The following CELF4 variants were observed in gnomAD, a reference collection of about 807,000 sequenced individuals.
The protein encoded by CELF4 is CUG-BP- and ETR-3-like factor 4.
Under a neutral mutation model 59.9 loss-of-function variants are expected in CELF4, and 18 were observed. The ratio of observed to expected loss-of-function variants is 0.30; its 90% CI spans 0.21 to 0.45. The LOEUF (loss-of-function observed/expected upper bound fraction) is 0.45. Among genes scored for constraint, CELF4 ranks in the 20% least tolerant of loss-of-function variants. CELF4 has a pLI of 1.00. For missense variants in CELF4, 456 were observed against 689.0 expected (o/e 0.66, Z 3.79); for synonymous variants, 261 against 267.1 (o/e 0.98, Z 0.22).
chr18:37,472,671 T>G lies in CELF4; in HGVS notation c.369+12854A>C, dbSNP rs553807433. 7.0e-4 allele frequency among the ~76,000 whole-genome samples: 106 copies of G among 151,962 alleles called. 1 individual carries two copies. Among genetic ancestry groups the G allele is most frequent in the African/African-American group, 2.2e-3 (91 of 41,414 alleles). The stretch of plus-strand genomic sequence containing the variant: ...TAGCCCAAGGTCACACAGCTCAGAG[T>G]GGTGGAGCTGGGATTGGAGGCTAGG... On this transcript the variant is annotated intron_variant, in intron 2 of 12. Transcript: ENST00000420428.
intron 1 of CELF4, among the ~76,000 whole-genome samples, chr18:37,492,936 C>T (rs1489990658): frequency 6.6e-6 from 1 of 152,172 alleles, no homozygotes; most frequent in Non-Finnish European, 1.5e-5. Context: ...CTGCTCTTCT[C>T]TGTGTGTCCA....
In CELF4 at chr18:37,470,001, C is replaced by G. The variant is rs145655148; in HGVS notation, c.369+15524G>C. ...GATGGCCAGAGAATGAGGGTTCAAG[C>G]CCATCAGGAAAGGCTTTCTGCAAGA... On this transcript the variant is annotated intron_variant, in intron 2 of 12. Transcript: ENST00000420428. Among the ~76,000 whole-genome samples, 239 of 152,274 alleles carry G rather than the reference C, an allele frequency of 1.6e-3. 1 individual carries two copies. The highest frequency in any genetic ancestry group is 6.8e-3 in the Middle Eastern group (2 of 294).
intron 7 of CELF4, among the ~76,000 whole-genome samples, chr18:37,272,397 T>C (rs1212863129): frequency 6.6e-6 from 1 of 152,074 alleles, no homozygotes; most frequent in East Asian, 1.9e-4. Flanking sequence ...GGGGCATAAC[T>C]GCAACAGCTG....
chr18:37,357,927 G>A (rs12455911), intron 2 of CELF4, among the ~76,000 whole-genome samples: 115 of 152,226 alleles, frequency 7.6e-4, no homozygotes, highest in Middle Eastern at 3.4e-3. Flanking sequence ...TCTACCCAGC[G>A]CCTGTACCCC....
intron 1 of CELF4, among the ~76,000 whole-genome samples, chr18:37,551,248 T>C (rs1451132339): frequency 1.3e-5 from 2 of 152,064 alleles, no homozygotes; most frequent in Non-Finnish European, 2.9e-5. Context: ...AGGATTGTGG[T>C]CTGTGGAAGG....
Position 37,422,847 on chromosome 18 carries a change from G to A in CELF4, c.369+62678C>T, listed in dbSNP as rs533982604. ...TGAAAAGGCTCTGAAGTCATCCCTC[G>A]TCCTATTTCCCCAGCAGAAATGACC... On this transcript the variant is annotated intron_variant, in intron 2 of 12. Coordinates refer to ENST00000420428, the MANE Select transcript of CELF4 (RefSeq NM_020180.4). Among the ~76,000 whole-genome samples, 30 of 152,222 alleles carry A rather than the reference G, an allele frequency of 2.0e-4. 1 individual carries two copies. The highest frequency in any genetic ancestry group is 8.5e-4 in the Admixed American group (13 of 15,290).
chr18:37,513,895 G>C (rs1420795479), intron 1 of CELF4, among the ~76,000 whole-genome samples: 1 of 151,666 alleles, frequency 6.6e-6, no homozygotes, highest in Non-Finnish European at 1.5e-5. Context: ...TCCTCTGATG[G>C]GTCCATGAGG....
At chr18:37,339,639 A>C (rs2097915536) in intron 2 of CELF4, among the ~76,000 whole-genome samples, 1 of 151,866 alleles carries the variant, frequency 6.6e-6, no homozygotes, top group Non-Finnish European at 1.5e-5. Flanking sequence ...CTGTAATCCC[A>C]GGTACATGGG....
intron 2 of CELF4, among the ~76,000 whole-genome samples, chr18:37,350,170 G>A (rs564501802): frequency 2.6e-5 from 4 of 152,082 alleles, no homozygotes; most frequent in African/African-American, 9.7e-5. Context: ...ACAGGCACAC[G>A]ATGGGAACAG....
intron 2 of CELF4, among the ~76,000 whole-genome samples, chr18:37,363,528 G>A (rs78172394): frequency 1.6e-3 from 248 of 152,312 alleles, no homozygotes; most frequent in Non-Finnish European, 2.6e-3. Flanking sequence ...AGGGGTGGCA[G>A]GTGGCAGACG....
chr18:37,266,194 G>A (rs1362349355), intron 9 of CELF4: 4 of 457,002 alleles, frequency 8.8e-6, no homozygotes, highest in African/African-American at 7.9e-5. Flanking sequence ...CTGTGGTGCT[G>A]GTGTCAGACC....
intron 1 of CELF4, among the ~76,000 whole-genome samples, chr18:37,538,867 C>T (rs1569569802): frequency 6.6e-6 from 1 of 152,210 alleles, no homozygotes; most frequent in Non-Finnish European, 1.5e-5. Context: ...TAAGGCGGGA[C>T]TCCTGCTCCG....
At chr18:37,308,806 A>G (rs1030620823) in intron 3 of CELF4, among the ~76,000 whole-genome samples, 1 of 152,166 alleles carries the variant, frequency 6.6e-6, no homozygotes, top group East Asian at 1.9e-4. Flanking sequence ...ATTTCTGCAA[A>G]GCCTTCGTCA....
intron 10 of CELF4, among the ~76,000 whole-genome samples, chr18:37,262,959 C>T (rs1325316195): frequency 6.6e-6 from 1 of 152,174 alleles, no homozygotes; most frequent in African/African-American, 2.4e-5. Flanking sequence ...CTTGGCTTTC[C>T]TGGGCATGGG....
intron 3 of CELF4, among the ~76,000 whole-genome samples, chr18:37,309,344 T>C (rs1277005485): frequency 6.6e-6 from 1 of 152,164 alleles, no homozygotes; most frequent in Non-Finnish European, 1.5e-5. Flanking sequence ...CTCCATAAAA[T>C]GGGAGTGATC....
rs115230466 is a variant in CELF4, at chr18:37,564,407, T to A, written c.286+949A>T. Reference sequence around the variant, plus strand: ...TAAAACAAGGAGAAAACAGGCAGGCTGCGGACAATTCCCATGACCACTTTC... The same window carrying A: ...TAAAACAAGGAGAAAACAGGCAGGCAGCGGACAATTCCCATGACCACTTTC... On this transcript the variant is annotated intron_variant, in intron 1 of 12. Transcript: ENST00000420428. Among the ~76,000 whole-genome samples, 1,220 of 152,266 alleles carry A rather than the reference T, an allele frequency of 8.0e-3. 15 individuals carry two copies. The highest frequency in any genetic ancestry group is 0.028 in the African/African-American group (1,154 of 41,550).
At chr18:37,485,323 C>T (rs893053013) in intron 2 of CELF4, among the ~76,000 whole-genome samples, 3 of 151,808 alleles carry the variant, frequency 2.0e-5, no homozygotes, top group African/African-American at 7.2e-5. Context: ...CGGCCACGGC[C>T]AAGTGGGGCC....
chr18:37,481,411 C>T (rs118061231), intron 2 of CELF4, among the ~76,000 whole-genome samples: 3,866 of 152,272 alleles, frequency 0.025, 70 homozygotes, highest in South Asian at 0.053. Flanking sequence ...GTCATAGCAC[C>T]TGGTTTTCTC....
intron 1 of CELF4, among the ~76,000 whole-genome samples, chr18:37,525,416 G>C (rs979924943): frequency 1.3e-5 from 2 of 152,348 alleles, no homozygotes; most frequent in South Asian, 4.1e-4. Context: ...GGCGCCCTTC[G>C]GGGTGGCCTT....
Sources: gnomAD v4.1 joint callset for allele counts (sites outside exome capture counted in the v4.1 genomes callset) on GRCh38, gnomAD v4.1.1 for gene constraint, MANE v1.5 for transcripts, NCBI Gene and HGNC (gene_info 2026-07-23, HGNC 2026-07-21) for gene names.